The following PNPLA6 variants were observed in gnomAD, a reference collection of about 807,000 sequenced individuals.
PNPLA6 encodes patatin like domain 6, lysophospholipase.
A neutral mutation model predicts 153.7 loss-of-function variants in PNPLA6; 105 were observed. The ratio of observed to expected loss-of-function variants is 0.68; its 90% CI spans 0.58 to 0.80. The LOEUF (loss-of-function observed/expected upper bound fraction) is 0.80, where lower values mean the gene tolerates loss of function less well. PNPLA6 is among the 30% of genes least tolerant of loss of function. The pLI is 0.00. For missense variants in PNPLA6, 1,423 were observed against 1,919.3 expected, an observed-to-expected ratio of 0.74 and a Z score of 4.83; for synonymous variants, 825 against 822.2, an observed-to-expected ratio of 1.00 and a Z score of -0.06.
chr19:7,551,216 G>T, intron 17 of PNPLA6, 109 bp downstream of exon 17: 2 of 984,290 alleles, frequency 2.0e-6, no homozygotes, highest in South Asian at 2.8e-5. Flanking sequence ...TCGAGGGAGG[G>T]GCCGAAGCGA....
At chr19:7,551,281 G>A (rs1420588920) in intron 17 of PNPLA6, 81 bp from the exon 18 acceptor site, 18 of 1,429,040 alleles carry the variant, frequency 1.3e-5, no homozygotes, top group African/African-American at 1.4e-5. Context: ...GCACCCAGGA[G>A]CCCCGGCATA....
intron 13 of PNPLA6, among the ~76,000 whole-genome samples, chr19:7,548,143 A>C (rs1213168645): frequency 6.6e-6 from 1 of 151,666 alleles, no homozygotes; most frequent in African/African-American, 2.4e-5. Flanking sequence ...TCAGGAGTTC[A>C]AGACCAGCCT....
chr19:7,554,893 C>T lies in PNPLA6; in HGVS notation c.2635C>T (p.Leu879=). 6.3e-7 allele frequency: 1 copy of T among 1,584,100 alleles called. No homozygotes were observed. Among genetic ancestry groups the T allele is most frequent in the Non-Finnish European group, 8.5e-7 (1 of 1,170,046 alleles). Residue 879 remains leucine, a splice_region_variant and synonymous_variant, in exon 22 of 32, where the codon CTG becomes TTG. Coordinates refer to ENST00000600737, the MANE Select transcript of PNPLA6 (RefSeq NM_001166114.2). ...GACCTCAGCCGTCCGTATTCCGCAG[C>T]TGGAGCAGATGCTGGAGAACACGGC... ...LGDQEPTLGQ[L]EQMLENTAVR...
chr19:7,558,733 T>G, intron 27 of PNPLA6, 117 bp from the exon 28 acceptor site: 1 of 665,784 alleles, frequency 1.5e-6, no homozygotes, highest in Non-Finnish European at 2.5e-6. Context: ...CATGTGTGGG[T>G]ATTCTCTCTT....
At chr19:7,543,759 G>A (rs1470436692) in intron 13 of PNPLA6, among the ~76,000 whole-genome samples, 5 of 152,014 alleles carry the variant, frequency 3.3e-5, no homozygotes. Flanking sequence ...GTGGAATGAG[G>A]TAATAAAGAA....
chr19:7,548,288 G>A (rs1179489409), intron 13 of PNPLA6, among the ~76,000 whole-genome samples: 1 of 151,748 alleles, frequency 6.6e-6, no homozygotes, highest in East Asian at 1.9e-4. Flanking sequence ...AGGTTGCAGT[G>A]AGCCGAGTTT....
At chr19:7,556,332 G>GCCC (rs1206137278) in intron 24 of PNPLA6, 121 bp from the exon 25 acceptor site, 1 of 774,378 alleles carries the variant, frequency 1.3e-6, no homozygotes, top group African/African-American at 1.7e-5. Flanking sequence ...AAAGTGCTGG[G>GCCC]ATTACCAGTG....
upstream of PNPLA6, chr19:7,535,226 C>A: frequency 1.8e-6 from 1 of 551,782 alleles, no homozygotes; most frequent in South Asian, 2.1e-5. The surrounding 1 kb of genome is among the most constrained non-coding windows in gnomAD (Gnocchi z 5.0). Context: ...CGGCCTTTGG[C>A]CCCGGGGTGG....
At chr19:7,556,860 A>G (rs990248943) in intron 26 of PNPLA6, 136 bp downstream of exon 26, 5 of 747,572 alleles carry the variant, frequency 6.7e-6, no homozygotes, top group South Asian at 4.3e-5. Context: ...ACCGACCACT[A>G]ACCGCCACCC....
At chr19:7,537,140 A>C (rs112877329) in intron 3 of PNPLA6, among the ~76,000 whole-genome samples, 1,713 of 152,110 alleles carry the variant, frequency 0.011, 37 homozygotes, top group African/African-American at 0.04. Flanking sequence ...AGGTCTTGCC[A>C]TATACTTAGT....
At chr19:7,551,582 A>G in intron 18 of PNPLA6, 145 bp downstream of exon 18, 1 of 733,128 alleles carries the variant, frequency 1.4e-6, no homozygotes, top group Non-Finnish European at 2.4e-6. Context: ...AACCCTAAGT[A>G]GGACCCAGGT....
In PNPLA6 at chr19:7,551,145, G is replaced by T; in HGVS notation, c.2184+38G>T. The T allele has an allele frequency of 2.3e-6, 3 of 1,330,700 alleles. No individual in the cohort carries two copies. The South Asian group carries it at 3.8e-5, about 17-fold the overall frequency. 82.4% of individuals were successfully genotyped at this position (1,330,700 alleles called of 1,614,324 possible). ...GTGGGCGGGGCAGAGAGGCGGAGGC[G>T]GGACTCCGGGGGGGTGGGGGCCGGG... is the stretch of plus-strand genomic sequence containing the variant. On this transcript the variant is annotated intron_variant, in intron 17 of 31. Transcript: ENST00000600737.
chr19:7,539,367 T>A (rs1032387655), intron 3 of PNPLA6, among the ~76,000 whole-genome samples: 2 of 151,600 alleles, frequency 1.3e-5, no homozygotes, highest in Non-Finnish European at 2.9e-5. Context: ...TAGTCCCAGC[T>A]ACTTGGGAGG....
chr19:7,557,636 T>C (rs1003530419), intron 27 of PNPLA6: 2 of 358,428 alleles, frequency 5.6e-6, no homozygotes, highest in Non-Finnish European at 1.1e-5. Context: ...ATACAAAAAA[T>C]TAACCAGGCT....
chr19:7,539,851 G>A, intron 3 of PNPLA6, 67 bp from the exon 4 acceptor site: 1 of 1,080,152 alleles, frequency 9.3e-7, no homozygotes, highest in Non-Finnish European at 1.4e-6. Context: ...GGGTATGCGG[G>A]GGTCTTAGGT....
chr19:7,544,822 G>GC (rs1394479930), intron 13 of PNPLA6, among the ~76,000 whole-genome samples: 1 of 152,112 alleles, frequency 6.6e-6, no homozygotes, highest in Non-Finnish European at 1.5e-5. Flanking sequence ...CAAGGCTTTT[G>GC]CCAGCTGTTC....
Position 7,540,297 on chromosome 19 carries a change from C to G in PNPLA6, c.703C>G (p.Leu235Val). Reference sequence around the variant, plus strand: ...GCAGGACGGGCTGCTGGAGCTCTGTCTGCCAGGGCCTGTGAGTGGGCCTCC... The same window carrying G: ...GCAGGACGGGCTGCTGGAGCTCTGTGTGCCAGGGCCTGTGAGTGGGCCTCC... ...VVQDGLLELC[L>V]PGPDGKECVV... The change falls in exon 5 of 32, where the codon CTG becomes GTG. Residue 235 changes from leucine to valine, a missense_variant. By Grantham distance (32) the Leu-to-Val change is conservative. Coordinates refer to ENST00000600737, the MANE Select transcript of PNPLA6 (RefSeq NM_001166114.2). This position sits in a 1 kb window ranked among gnomAD's most constrained non-coding sequence, Gnocchi z 6.8. 1.2e-6 allele frequency: 2 copies of G among 1,604,882 alleles called. No individual in the cohort carries two copies. The highest frequency in any genetic ancestry group is 1.7e-6 in the Non-Finnish European group (2 of 1,178,052).
chr19:7,544,755 T>A (rs1037180006), intron 13 of PNPLA6, among the ~76,000 whole-genome samples: 1 of 152,110 alleles, frequency 6.6e-6, no homozygotes, highest in African/African-American at 2.4e-5. Flanking sequence ...ACCCAGTGAC[T>A]CTGCTGTCCC....
chr19:7,536,209 G>A lies in PNPLA6; in HGVS notation c.251G>A (p.Gly84Asp), dbSNP rs2022861469. The change falls in exon 2 of 32, where the codon GGC becomes GAC. Residue 84 changes from glycine to aspartate, a missense_variant. Gly to Asp is a moderately conservative substitution (Grantham distance 94, BLOSUM62 -1). Around this residue, in one of 10 missense-constraint regions of PNPLA6, gnomAD observed 74 missense variants for 171.3 expected, o/e 0.43. Transcript: ENST00000600737. ...LRVPKTPAPD[G>D]PRYRFRKRDK... is the part of the protein sequence containing the mutation. ...TCCCCAGAAACCCCAGCCCCGGATGGCCCCCGGTATCGGTTCCGGAAGAGG... is the reference window on the plus strand; with the variant it reads ...TCCCCAGAAACCCCAGCCCCGGATGACCCCCGGTATCGGTTCCGGAAGAGG... 1 of 1,613,298 alleles carries A rather than the reference G, an allele frequency of 6.2e-7. No individual in the cohort carries two copies. Among genetic ancestry groups the A allele is most frequent in the African/African-American group, 1.3e-5 (1 of 74,892 alleles).
Sources: allele counts gnomAD v4.1 joint callset (sites outside exome capture counted in the v4.1 genomes callset), GRCh38; gene constraint gnomAD v4.1.1; regional missense constraint gnomAD v4.1.1; non-coding constraint Gnocchi (gnomAD v3.1); transcripts MANE v1.5; gene names NCBI Gene and HGNC (gene_info 2026-07-23, HGNC 2026-07-21).